Variants in CNIH3 observed in about 807,000 individuals in gnomAD.
CNIH3 encodes cornichon family AMPA receptor auxiliary protein 3.
CNIH3 carries 14 observed loss-of-function variants against 24.1 expected under a neutral mutation model. That is an observed-to-expected ratio of 0.58 (90% CI 0.38 to 0.91). The LOEUF (loss-of-function observed/expected upper bound fraction) is 0.91, where lower values mean the gene tolerates loss of function less well. Ranked by LOEUF, CNIH3 falls within the 40% of genes least tolerant of loss-of-function variation. The pLI is 0.00. For synonymous variants in CNIH3, 68 were observed against 73.8 expected (o/e 0.92, Z 0.40); for missense variants, 178 against 196.8 (o/e 0.90, Z 0.57).
intron 3 of CNIH3, among the ~76,000 whole-genome samples, chr1:224,695,228 G>A (rs1363111521): frequency 6.6e-6 from 1 of 152,128 alleles, no homozygotes. Context: ...GCCAGCAGTC[G>A]GCTTTCAGAC....
chr1:224,497,954 C>T (rs186249845), intron 1 of CNIH3, among the ~76,000 whole-genome samples: 1 of 152,308 alleles, frequency 6.6e-6, no homozygotes, highest in East Asian at 1.9e-4. Context: ...TCACATTAAT[C>T]ATATTAGGGT....
intron 3 of CNIH3, among the ~76,000 whole-genome samples, chr1:224,691,738 TTC>T: frequency 6.6e-6 from 1 of 152,378 alleles, no homozygotes; most frequent in African/African-American, 2.4e-5. Flanking sequence ...ATTATTTTCA[TTC>T]TCTCATTGGG....
intron 1 of CNIH3, among the ~76,000 whole-genome samples, chr1:224,462,365 G>C (rs954548457): frequency 2.0e-5 from 3 of 152,010 alleles, no homozygotes; most frequent in Admixed American, 6.6e-5. Flanking sequence ...AAACAGTCTT[G>C]CCCTGTCACC....
chr1:224,706,596 G>A (rs1160684539), intron 3 of CNIH3, among the ~76,000 whole-genome samples: 3 of 152,140 alleles, frequency 2.0e-5, no homozygotes, highest in African/African-American at 7.2e-5. Flanking sequence ...CTTCTTTGGT[G>A]TCTCAGCTCC....
chr1:224,652,562 G>A (rs1684907724), intron 1 of CNIH3, among the ~76,000 whole-genome samples: 1 of 152,240 alleles, frequency 6.6e-6, no homozygotes, highest in Non-Finnish European at 1.5e-5. Context: ...TTAGGAGAGG[G>A]GTAGGCAAGA....
At chr1:224,541,716 T>C (rs540539559), downstream of CNIH3, among the ~76,000 whole-genome samples, 2 of 152,344 alleles carry the variant, frequency 1.3e-5, no homozygotes, top group East Asian at 3.9e-4. Flanking sequence ...GCTATTCTTT[T>C]TTAGAGAAGA....
At chr1:224,675,876 G>A (rs544378376) in intron 1 of CNIH3, among the ~76,000 whole-genome samples, 28 of 152,320 alleles carry the variant, frequency 1.8e-4, no homozygotes, top group Non-Finnish European at 3.1e-4. Flanking sequence ...GGAGTCATGG[G>A]AACACTCATG....
Position 224,684,760 on chromosome 1 carries a change from C to T in CNIH3, c.151-36C>T, listed in dbSNP as rs1272444756. On this transcript the variant is annotated intron_variant, in intron 2 of 5. Coordinates refer to ENST00000272133, the MANE Select transcript of CNIH3 (RefSeq NM_152495.2). The surrounding 1 kb of genome is among the most constrained non-coding windows in gnomAD (Gnocchi z 4.2). ...CATGCTATTTTAGCAGAACCCCTAACCTCCCCTCTCATTTCTTTCTTGTGC... is the reference window on the plus strand; with the variant it reads ...CATGCTATTTTAGCAGAACCCCTAATCTCCCCTCTCATTTCTTTCTTGTGC... The T allele has an allele frequency of 1.3e-6, 2 of 1,598,196 alleles. No individual in the cohort carries two copies. The highest frequency in any genetic ancestry group is 1.7e-4 in the Middle Eastern group (1 of 6,042).
chr1:224,478,116 A>T (rs575363746), intron 1 of CNIH3, among the ~76,000 whole-genome samples: 1 of 151,946 alleles, frequency 6.6e-6, no homozygotes, highest in African/African-American at 2.4e-5. Context: ...TGGGAGTTTG[A>T]TTATTAAATG....
chr1:224,616,701 G>GC lies in CNIH3; in HGVS notation c.-470dup, dbSNP rs1182034717. ...ACCTCGCTGGACACTATCCGTTTGC[G>GC]CCCCGGTGGCGCGGGAGGGTCCGGA... On this transcript the variant is annotated 5_prime_UTR_variant, in exon 1 of 6. Transcript: ENST00000272133. 2 of 991,930 alleles carry GC rather than the reference G, an allele frequency of 2.0e-6. No homozygotes were observed. Among genetic ancestry groups the GC allele is most frequent in the African/African-American group, 3.5e-5 (2 of 57,352 alleles). The allele number at this position is 991,930 out of a possible 1,614,324, so 61.4% of individuals were successfully genotyped here. A position where few individuals can be genotyped will look rare whatever the true frequency, so the allele number is the denominator to read the frequency against.
chr1:224,475,002 G>T (rs1676519938), intron 1 of CNIH3, among the ~76,000 whole-genome samples: 1 of 146,474 alleles, frequency 6.8e-6, no homozygotes, highest in African/African-American at 2.6e-5. Context: ...TCGAGATCGT[G>T]CCACTGCACT....
chr1:224,565,008 C>G (rs1680523181), intron 3 of CNIH3, among the ~76,000 whole-genome samples: 1 of 152,176 alleles, frequency 6.6e-6, no homozygotes, highest in Non-Finnish European at 1.5e-5. Flanking sequence ...ACAAATGACC[C>G]TAAGGCTATG....
chr1:224,487,819 G>A (rs1184747224), intron 1 of CNIH3, among the ~76,000 whole-genome samples: 1 of 152,172 alleles, frequency 6.6e-6, no homozygotes, highest in Non-Finnish European at 1.5e-5. Context: ...AAGCAAGTTA[G>A]ATCAAATCAT....
intron 1 of CNIH3, among the ~76,000 whole-genome samples, chr1:224,631,990 G>T (rs896102951): frequency 6.6e-6 from 1 of 152,292 alleles, no homozygotes; most frequent in Admixed American, 6.5e-5. Flanking sequence ...TTAAGAAAAA[G>T]GAATTAGTAA....
intron 5 of CNIH3, among the ~76,000 whole-genome samples, chr1:224,584,884 G>A (rs1329056263): frequency 6.6e-6 from 1 of 152,152 alleles, no homozygotes; most frequent in African/African-American, 2.4e-5. Flanking sequence ...AGGACCAAGG[G>A]ACATCTTTAG....
At chr1:224,718,020 A>G (rs538292530) in intron 3 of CNIH3, among the ~76,000 whole-genome samples, 1 of 152,314 alleles carries the variant, frequency 6.6e-6, no homozygotes, top group South Asian at 2.1e-4. Flanking sequence ...CAACAACAAA[A>G]TTGCACCGTG....
chr1:224,479,825 G>A (rs1483577132), intron 1 of CNIH3, among the ~76,000 whole-genome samples: 27 of 152,216 alleles, frequency 1.8e-4, no homozygotes, highest in Admixed American at 1.6e-3. Context: ...CCTCCTGGCT[G>A]CTTTCATGGG....
At chr1:224,605,095 A>G (rs1682364177) in intron 3 of CNIH3, among the ~76,000 whole-genome samples, 1 of 152,204 alleles carries the variant, frequency 6.6e-6, no homozygotes, top group African/African-American at 2.4e-5. Context: ...TAGAAAACCA[A>G]TTAGGAAAGG....
At chr1:224,674,272 G>GTTTTTTTTTTTTTT (rs71170028) in intron 1 of CNIH3, among the ~76,000 whole-genome samples, 12 of 72,060 alleles carry the variant, frequency 1.7e-4, no homozygotes, top group African/African-American at 2.1e-4. Context: ...TTCCAGGAAG[G>GTTTTTTTTTTTTTT]TTTTTTTTTT....
Sources: gnomAD v4.1 joint callset for allele counts (sites outside exome capture counted in the v4.1 genomes callset) on GRCh38, gnomAD v4.1.1 for gene constraint, Gnocchi (gnomAD v3.1) non-coding constraint, MANE v1.5 for transcripts, NCBI Gene and HGNC (gene_info 2026-07-23, HGNC 2026-07-21) for gene names.